The following DNAAF5 variants were observed in gnomAD, a reference collection of about 807,000 sequenced individuals.
DNAAF5 encodes HEAT repeat containing 2.
Under a neutral mutation model 75.8 loss-of-function variants are expected in DNAAF5, and 64 were observed. That is an observed-to-expected ratio of 0.84 (90% CI 0.69 to 1.04). The LOEUF is 1.04. Among genes scored for constraint, DNAAF5 ranks in the 50% least tolerant of loss-of-function variants. The pLI is 0.00. For missense variants in DNAAF5, 1,269 were observed against 1,178.5 expected (o/e 1.08, Z -1.12); for synonymous variants, 657 against 557.2 (o/e 1.18, Z -2.52).
chr7:737,761 C>A (rs1019812954), intron 2 of DNAAF5, among the ~76,000 whole-genome samples: 2 of 152,234 alleles, frequency 1.3e-5, no homozygotes, highest in African/African-American at 4.8e-5. Flanking sequence ...AGTGAGGTCT[C>A]CTCTGAGAAG....
intron 12 of DNAAF5, among the ~76,000 whole-genome samples, chr7:782,109 C>A (rs889497086): frequency 6.6e-6 from 1 of 152,282 alleles, no homozygotes; most frequent in Non-Finnish European, 1.5e-5. Context: ...GATGTCGGAT[C>A]TTCCTGGTGT....
At chr7:744,021 G>T (rs1216315317) in intron 4 of DNAAF5, among the ~76,000 whole-genome samples, 1 of 151,406 alleles carries the variant, frequency 6.6e-6, no homozygotes, top group Admixed American at 6.6e-5. Flanking sequence ...CATGTGCCAT[G>T]CTGGTGTGCT....
chr7:753,695 C>T (rs1782381158), intron 4 of DNAAF5, among the ~76,000 whole-genome samples: 1 of 150,622 alleles, frequency 6.6e-6, no homozygotes, highest in Non-Finnish European at 1.5e-5. Flanking sequence ...ATGGGGACGG[C>T]TTCGCAGGCG....
chr7:762,490 CA>C (rs533430102), intron 7 of DNAAF5, among the ~76,000 whole-genome samples: 6,013 of 131,068 alleles, frequency 0.046, 404 homozygotes, highest in African/African-American at 0.16. Flanking sequence ...AGACTCCGTC[CA>C]AAAAAAAAAA....
At position 780,275 on chromosome 7, in the gene DNAAF5, C is replaced by G. The variant is rs1168253930; in HGVS notation, c.2431+131C>G. The G allele has an allele frequency of 4.3e-5, 33 of 770,964 alleles. No homozygotes were observed. The Admixed American group carries it at 8.8e-4, about 21-fold the overall frequency. 47.8% of individuals were successfully genotyped at this position (770,964 alleles called of 1,614,324 possible). ...GAGGGGCCTCAGCTCCGGCCTGGCA[C>G]ACTCTTGAGTTCTTGGCAAACCCTG... On this transcript the variant is annotated intron_variant, in intron 12 of 12. Coordinates refer to ENST00000297440, the MANE Select transcript of DNAAF5 (RefSeq NM_017802.4).
At chr7:776,499 T>C (rs1284582752) in intron 11 of DNAAF5, among the ~76,000 whole-genome samples, 1 of 152,082 alleles carries the variant, frequency 6.6e-6, no homozygotes, top group Non-Finnish European at 1.5e-5. Flanking sequence ...AAGGCTCAGC[T>C]TCCACGCGGC....
At chr7:740,716 C>A in intron 2 of DNAAF5, 103 bp from the exon 3 acceptor site, 6 of 1,506,564 alleles carry the variant, frequency 4.0e-6, no homozygotes, top group Non-Finnish European at 5.4e-6. Context: ...CGTGCCTCTG[C>A]CTCAGGCAGC....
In DNAAF5 at chr7:774,041, G is replaced by C. The variant is rs1188917062; in HGVS notation, c.1932-7G>C. ...CTCCTCATCCACCCTCTCCGTTCCG[G>C]TTCCAGGCAGTTTCCCAGCTACCTC... On this transcript the variant is annotated splice_region_variant and splice_polypyrimidine_tract_variant and intron_variant, in intron 9 of 12. Transcript: ENST00000297440. The C allele has an allele frequency of 6.2e-7, 1 of 1,614,100 alleles. No homozygotes were observed. The highest frequency in any genetic ancestry group is 1.7e-5 in the Admixed American group (1 of 60,024).
intron 12 of DNAAF5, among the ~76,000 whole-genome samples, chr7:781,109 G>A (rs570136864): frequency 6.6e-6 from 1 of 152,218 alleles, no homozygotes; most frequent in Admixed American, 6.5e-5. Flanking sequence ...ACCCTGTTGT[G>A]CTATCAAATA....
intron 1 of DNAAF5, 93 bp downstream of exon 1, chr7:727,408 C>A: frequency 1.7e-6 from 1 of 597,716 alleles, no homozygotes; most frequent in Non-Finnish European, 2.2e-6. Flanking sequence ...CGCGGCTCGG[C>A]CCCGCCCCCC....
At chr7:750,367 C>T (rs1282354573) in intron 4 of DNAAF5, among the ~76,000 whole-genome samples, 1 of 152,182 alleles carries the variant, frequency 6.6e-6, no homozygotes, top group East Asian at 1.9e-4. Flanking sequence ...TCCCAGAACG[C>T]ACCCCCCACC....
rs370339026 is a variant in DNAAF5 at position 786,259 on chromosome 7, G to C, written c.*606G>C. Reference sequence around the variant, plus strand: ...CAGTGTTGAAAACAATATTTCATGAGATCTAATTGTGGTTGCCCCTATAGG... The same window carrying C: ...CAGTGTTGAAAACAATATTTCATGACATCTAATTGTGGTTGCCCCTATAGG... On this transcript the variant is annotated 3_prime_UTR_variant, in exon 13 of 13. Coordinates refer to ENST00000297440, the MANE Select transcript of DNAAF5 (RefSeq NM_017802.4). The C allele has an allele frequency of 6.6e-6, 1 of 152,284 alleles. No homozygotes were observed. The highest frequency in any genetic ancestry group is 2.4e-5 in the African/African-American group (1 of 41,428). The allele number at this position is 152,284 out of a possible 1,614,324, so 9.4% of individuals were successfully genotyped here.
At position 756,775 on chromosome 7, in the gene DNAAF5, C is replaced by A. The variant is rs1181940614; in HGVS notation, c.1258-7C>A. On this transcript the variant is annotated splice_polypyrimidine_tract_variant and splice_region_variant and intron_variant, in intron 5 of 12. Coordinates refer to ENST00000297440, the MANE Select transcript of DNAAF5 (RefSeq NM_017802.4). ...GCTCTGAGTTTTCTCATGTTTCTTT[C>A]TCGCAGTGTACCAGATCCGCAGAGC... The A allele has an allele frequency of 4.3e-6, 7 of 1,611,802 alleles. No homozygotes were observed. The African/African-American group carries it at 9.3e-5, about 22-fold the overall frequency.
At chr7:780,815 C>CTTTTTTTTTCTTTTT in intron 12 of DNAAF5, among the ~76,000 whole-genome samples, 1 of 141,318 alleles carries the variant, frequency 7.1e-6, no homozygotes, top group East Asian at 2.1e-4. Flanking sequence ...TAACGATTTG[C>CTTTTTTTTTCTTTTT]TTTTTTTTTT....
chr7:774,344 A>C, intron 10 of DNAAF5, 146 bp downstream of exon 10: 1 of 880,198 alleles, frequency 1.1e-6, no homozygotes, highest in Non-Finnish European at 1.7e-6. Flanking sequence ...CTCTCCCCAC[A>C]CTGGCGGCGG....
chr7:767,448 A>G (rs550906979), intron 8 of DNAAF5, among the ~76,000 whole-genome samples: 26 of 152,324 alleles, frequency 1.7e-4, no homozygotes, highest in African/African-American at 5.1e-4. Context: ...TAATTATGGA[A>G]AAAGCTATGC....
At chr7:728,458 A>G (rs1391508899) in intron 1 of DNAAF5, among the ~76,000 whole-genome samples, 1 of 152,242 alleles carries the variant, frequency 6.6e-6, no homozygotes, top group Non-Finnish European at 1.5e-5. Flanking sequence ...AATAGATTCC[A>G]GAAGTAGAGG....
chr7:769,015 G>A, intron 8 of DNAAF5: 1 of 613,028 alleles, frequency 1.6e-6, no homozygotes, highest in Non-Finnish European at 3.0e-6. Context: ...CCGGCTGCGT[G>A]GGGAGGCCCT....
At chr7:728,616 T>G (rs1191668529) in intron 1 of DNAAF5, among the ~76,000 whole-genome samples, 1 of 152,228 alleles carries the variant, frequency 6.6e-6, no homozygotes, top group African/African-American at 2.4e-5. Flanking sequence ...GTATTTCTTC[T>G]TCATCCTCAA....
Sources: gnomAD v4.1 joint callset for allele counts (sites outside exome capture counted in the v4.1 genomes callset) on GRCh38, gnomAD v4.1.1 for gene constraint, MANE v1.5 for transcripts, NCBI Gene and HGNC (gene_info 2026-07-23, HGNC 2026-07-21) for gene names.